TRAPPC9: variants seen among roughly 807,000 people sequenced by gnomAD.
The protein encoded by TRAPPC9 is IKK2 binding protein.
TRAPPC9 carries 83 observed loss-of-function variants against 124.0 expected under a neutral mutation model. That is an observed-to-expected ratio of 0.67 (90% CI 0.56 to 0.80). The LOEUF is 0.80. Among genes scored for constraint, TRAPPC9 ranks in the 30% least tolerant of loss-of-function variants. The probability of loss-of-function intolerance (pLI) is 0.00; values close to 1 mark genes in which losing one functional copy is unlikely to be tolerated. For synonymous variants in TRAPPC9, 638 were observed against 617.5 expected (o/e 1.03, Z -0.49); for missense variants, 1,302 against 1,508.3 (o/e 0.86, Z 2.27).
At chr8:140,283,785 G>T (rs2065398996) in intron 14 of TRAPPC9, 104 bp downstream of exon 14, 6 of 1,242,834 alleles carry the variant, frequency 4.8e-6, no homozygotes, top group South Asian at 3.6e-5. Flanking sequence ...CTATATTCTG[G>T]TCATAAGAAT....
intron 17 of TRAPPC9, among the ~76,000 whole-genome samples, chr8:140,032,627 CA>C (rs1840573038): frequency 1.3e-5 from 2 of 152,284 alleles, no homozygotes; most frequent in African/African-American, 4.8e-5. Flanking sequence ...CTTACTTAAA[CA>C]GTACCCTAAA....
chr8:140,017,755 T>C (rs1839559956), intron 18 of TRAPPC9, among the ~76,000 whole-genome samples: 1 of 152,238 alleles, frequency 6.6e-6, no homozygotes, highest in Non-Finnish European at 1.5e-5. Context: ...AAAATCCTGC[T>C]AGGATTTTGA....
chr8:140,447,347 T>C (rs1180492517), intron 2 of TRAPPC9, among the ~76,000 whole-genome samples: 1 of 151,908 alleles, frequency 6.6e-6, no homozygotes, highest in Non-Finnish European at 1.5e-5. Flanking sequence ...TAGACAGCAG[T>C]GTTTGTTTTT....
intron 21 of TRAPPC9, among the ~76,000 whole-genome samples, chr8:139,789,498 C>T (rs1822505455): frequency 6.6e-6 from 1 of 152,178 alleles, no homozygotes; most frequent in Non-Finnish European, 1.5e-5. Flanking sequence ...ACATCTCAGA[C>T]CTCCTGAGCC....
chr8:140,428,414 A>G (rs1473902780), intron 4 of TRAPPC9, among the ~76,000 whole-genome samples: 1 of 152,236 alleles, frequency 6.6e-6, no homozygotes, highest in African/African-American at 2.4e-5. Flanking sequence ...AATCACAGGC[A>G]GGAGATAAGT....
intron 9 of TRAPPC9, among the ~76,000 whole-genome samples, chr8:140,329,629 G>A (rs2066843133): frequency 6.6e-6 from 1 of 152,168 alleles, no homozygotes; most frequent in South Asian, 2.1e-4. Flanking sequence ...TAGTAAGTGA[G>A]GCTGAGATTT....
chr8:140,405,794 C>T (rs1421889215), intron 5 of TRAPPC9, 96 bp from the exon 6 acceptor site: 2 of 1,394,394 alleles, frequency 1.4e-6, no homozygotes, highest in Non-Finnish European at 1.0e-6. Context: ...CTTAAATATG[C>T]CCTACTGAAA....
chr8:140,140,141 G>A (rs2061362478), intron 17 of TRAPPC9, among the ~76,000 whole-genome samples: 1 of 152,158 alleles, frequency 6.6e-6, no homozygotes, highest in Non-Finnish European at 1.5e-5. Flanking sequence ...AACCAGTCAA[G>A]GGCTTCTTGG....
intron 17 of TRAPPC9, among the ~76,000 whole-genome samples, chr8:140,118,131 G>A (rs1251123676): frequency 5.3e-5 from 8 of 152,156 alleles, no homozygotes; most frequent in Admixed American, 4.6e-4. Context: ...ACCAAGATTT[G>A]CTCCAGGCAA....
intron 9 of TRAPPC9, among the ~76,000 whole-genome samples, chr8:140,346,850 G>A (rs140340644): frequency 1.9e-3 from 282 of 152,356 alleles, no homozygotes; most frequent in South Asian, 1.9e-3. Context: ...CTTCCTAAAA[G>A]TGGACTTGAG....
Position 140,411,530 on chromosome 8 carries a change from C to T in TRAPPC9, c.887-5832G>A, listed in dbSNP as rs192535604. 6.2e-3 allele frequency among the ~76,000 whole-genome samples: 948 copies of T among 152,176 alleles called. 9 individuals carry two copies. The highest frequency in any genetic ancestry group is 0.022 in the African/African-American group (897 of 41,514). On this transcript the variant is annotated intron_variant, in intron 5 of 22. Transcript: ENST00000438773. ...CTAATTTTTGTATTTTTAGTAGAGA[C>T]GGGGTTTTGCCATGTTGGCCAGGCT...
At position 139,757,290 on chromosome 8, in the gene TRAPPC9, T is replaced by G. The variant is rs553309099; in HGVS notation, c.3056-25088A>C. 8.6e-5 allele frequency among the ~76,000 whole-genome samples: 11 copies of G among 128,598 alleles called. No homozygotes were observed. In the South Asian group the frequency reaches 2.1e-3, roughly 25 times the overall value. 84.4% of individuals were successfully genotyped at this position (128,598 alleles called of 152,430 possible). A position where few individuals can be genotyped will look rare whatever the true frequency, so the allele number is the denominator to read the frequency against. On this transcript the variant is annotated intron_variant, in intron 21 of 22. Coordinates refer to ENST00000438773, the MANE Select transcript of TRAPPC9 (RefSeq NM_001160372.4). ...GCAGGTTGCAGGAGGAGCCAGGGTT[T>G]GGGGATGAGGACAGCAGGTCGCAGG...
At chr8:139,806,237 A>T (rs576460444) in intron 21 of TRAPPC9, 2 of 152,196 alleles carry the variant, frequency 1.3e-5, no homozygotes, top group African/African-American at 2.4e-5. Context: ...GATCTTTGCC[A>T]GTTTCTTTGT....
intron 8 of TRAPPC9, 45 bp downstream of exon 8, chr8:140,370,919 C>T: frequency 1.2e-6 from 2 of 1,605,990 alleles, no homozygotes; most frequent in Non-Finnish European, 1.7e-6. Context: ...ATGTGACCAT[C>T]AGACAGAAAG....
chr8:140,255,934 A>G (rs1454879375), intron 15 of TRAPPC9, among the ~76,000 whole-genome samples: 1 of 152,084 alleles, frequency 6.6e-6, no homozygotes, highest in Non-Finnish European at 1.5e-5. Context: ...ATAGGAATTT[A>G]GTGAAAGGGA....
At chr8:140,030,773 T>C (rs1840451309) in intron 17 of TRAPPC9, among the ~76,000 whole-genome samples, 1 of 152,238 alleles carries the variant, frequency 6.6e-6, no homozygotes, top group African/African-American at 2.4e-5. Flanking sequence ...GTGCATACCA[T>C]TGCTTGTATG....
At chr8:140,424,993 TGA>T (rs1307072960) in intron 5 of TRAPPC9, among the ~76,000 whole-genome samples, 1 of 152,218 alleles carries the variant, frequency 6.6e-6, no homozygotes, top group African/African-American at 2.4e-5. Flanking sequence ...TTACAACCCC[TGA>T]GAGAGTGTTA....
chr8:139,976,084 G>A (rs576103858), intron 19 of TRAPPC9, among the ~76,000 whole-genome samples: 44 of 151,860 alleles, frequency 2.9e-4, no homozygotes, highest in African/African-American at 9.9e-4. Flanking sequence ...GTACAGACGG[G>A]GTTCCACTGT....
chr8:139,873,977 G>A (rs528106032), intron 21 of TRAPPC9, among the ~76,000 whole-genome samples: 96 of 152,284 alleles, frequency 6.3e-4, no homozygotes, highest in African/African-American at 1.9e-3. Context: ...CTGCCTTGCC[G>A]AGGATCCAGA....
Sources: gnomAD v4.1 joint callset for allele counts (sites outside exome capture counted in the v4.1 genomes callset) on GRCh38, gnomAD v4.1.1 for gene constraint, MANE v1.5 for transcripts, NCBI Gene and HGNC (gene_info 2026-07-23, HGNC 2026-07-21) for gene names.